Variants in ADCY2 observed in about 807,000 individuals in gnomAD.
ADCY2 encodes adenylate cyclase 2.
In ADCY2, 31 loss-of-function variants were observed where a neutral mutation model predicts 125.2. The observed-to-expected ratio is 0.25, with a 90% CI of 0.19 to 0.33. ADCY2 has a LOEUF of 0.33. ADCY2 is among the 10% of genes least tolerant of loss of function. ADCY2 has a pLI of 1.00. For synonymous variants in ADCY2, 512 were observed against 548.4 expected (o/e 0.93, Z 0.93); for missense variants, 904 against 1,418.2 (o/e 0.64, Z 5.82).
intron 4 of ADCY2, among the ~76,000 whole-genome samples, chr5:7,688,477 C>T (rs972296714): frequency 2.6e-5 from 4 of 151,888 alleles, no homozygotes; most frequent in African/African-American, 7.3e-5. Context: ...CCATGTTGGC[C>T]AGGCTGGTCT....
At chr5:7,573,593 C>CTTTTTTTTTTTTTTTTTTTTTTTTT (rs763347773) in intron 3 of ADCY2, among the ~76,000 whole-genome samples, 37 of 86,358 alleles carry the variant, frequency 4.3e-4, no homozygotes, top group Non-Finnish European at 7.2e-4. Context: ...GGTTGATTTT[C>CTTTTTTTTTTTTTTTTTTTTTTTTT]TTTTTTTTTT....
rs539497424 is a variant in ADCY2 at position 7,733,653 on chromosome 5, G to A, written c.1871+6392G>A. 5.9e-5 allele frequency among the ~76,000 whole-genome samples: 9 copies of A among 152,242 alleles called. No individual in the cohort carries two copies. In the South Asian group the frequency reaches 1.5e-3, roughly 25 times the overall value. On this transcript the variant is annotated intron_variant, in intron 14 of 24. Transcript: ENST00000338316. ...CTAGAGCTCCTATGGATTCTACAGA[G>A]CTGGGTGGAGATACAGTCTGAAAAA...
intron 2 of ADCY2, among the ~76,000 whole-genome samples, chr5:7,473,107 T>A (rs1742399538): frequency 6.6e-6 from 1 of 152,076 alleles, no homozygotes; most frequent in Admixed American, 6.6e-5. Flanking sequence ...GGCACATTCT[T>A]ATAATCTGGA....
At chr5:7,494,763 C>A (rs180970644) in intron 2 of ADCY2, among the ~76,000 whole-genome samples, 8 of 152,240 alleles carry the variant, frequency 5.3e-5, no homozygotes, top group Admixed American at 4.6e-4. Flanking sequence ...GCCTGGAGAC[C>A]TACCAAGGTG....
At chr5:7,712,805 A>G in intron 10 of ADCY2, 51 bp from the exon 11 acceptor site, 1 of 1,288,662 alleles carries the variant, frequency 7.8e-7, no homozygotes. Flanking sequence ...TCATTGCAAC[A>G]TTCTTCTTGA....
chr5:7,473,972 T>C (rs1360730410), intron 2 of ADCY2, among the ~76,000 whole-genome samples: 3 of 152,234 alleles, frequency 2.0e-5, no homozygotes, highest in African/African-American at 4.8e-5. Context: ...GTCTTCCGTT[T>C]GTTCAGCCAC....
At chr5:7,739,023 A>G (rs1161358452) in intron 14 of ADCY2, among the ~76,000 whole-genome samples, 1 of 151,898 alleles carries the variant, frequency 6.6e-6, no homozygotes, top group Non-Finnish European at 1.5e-5. Flanking sequence ...ATAGGAATAT[A>G]TAGGAGGTCT....
chr5:7,492,134 G>C (rs908801817), intron 2 of ADCY2, among the ~76,000 whole-genome samples: 2 of 152,174 alleles, frequency 1.3e-5, no homozygotes, highest in African/African-American at 4.8e-5. Flanking sequence ...TTCTTGACCA[G>C]GTTGAAAGGG....
At chr5:7,539,870 G>A (rs565941760) in intron 3 of ADCY2, among the ~76,000 whole-genome samples, 9 of 152,314 alleles carry the variant, frequency 5.9e-5, no homozygotes, top group Admixed American at 2.6e-4. Flanking sequence ...ATAATAAACC[G>A]TAATCGTATT....
chr5:7,525,204 A>G (rs1734416033), intron 3 of ADCY2, among the ~76,000 whole-genome samples: 2 of 152,042 alleles, frequency 1.3e-5, no homozygotes, highest in Non-Finnish European at 2.9e-5. Context: ...ACAGGGTTTC[A>G]CCATGTTGCC....
chr5:7,625,661 C>A (rs1012656171), intron 3 of ADCY2, among the ~76,000 whole-genome samples: 8 of 152,118 alleles, frequency 5.3e-5, no homozygotes, highest in African/African-American at 1.7e-4. Flanking sequence ...GGTGTGAGGG[C>A]AGTTTGTATC....
At chr5:7,657,387 T>C (rs1002192203) in intron 4 of ADCY2, among the ~76,000 whole-genome samples, 15 of 152,152 alleles carry the variant, frequency 9.9e-5, no homozygotes, top group Admixed American at 7.2e-4. Context: ...ATTAGGGCAA[T>C]GTGTAGATTA....
At position 7,723,492 on chromosome 5, in the gene ADCY2, G is replaced by A. The variant is rs190475608; in HGVS notation, c.1704-1053G>A. Among the ~76,000 whole-genome samples the A allele has an allele frequency of 1.7e-3, 252 of 152,174 alleles. 1 individual carries two copies. Among genetic ancestry groups the A allele is most frequent in the African/African-American group, 5.7e-3 (235 of 41,496 alleles). On this transcript the variant is annotated intron_variant, in intron 12 of 24. Transcript: ENST00000338316. ...AGATGTTTAAAAGTCAGACAATGTG[G>A]TACAATGCATACTTCCATATAATTT...
chr5:7,683,337 A>G (rs1264097776), intron 4 of ADCY2, among the ~76,000 whole-genome samples: 1 of 152,258 alleles, frequency 6.6e-6, no homozygotes, highest in Non-Finnish European at 1.5e-5. Context: ...TCAGGGACGG[A>G]GGACATAGGT....
At chr5:7,652,890 G>A (rs535218042) in intron 4 of ADCY2, among the ~76,000 whole-genome samples, 1 of 152,248 alleles carries the variant, frequency 6.6e-6, no homozygotes, top group South Asian at 2.1e-4. Context: ...ATTTTTCAGT[G>A]AGCTCTGTGA....
chr5:7,578,196 A>C (rs1448252354), intron 3 of ADCY2, among the ~76,000 whole-genome samples: 1 of 152,218 alleles, frequency 6.6e-6, no homozygotes, highest in Non-Finnish European at 1.5e-5. Flanking sequence ...GAATGCTTTT[A>C]ATGTGAATGA....
intron 19 of ADCY2, among the ~76,000 whole-genome samples, chr5:7,787,141 A>T (rs1744106715): frequency 6.6e-6 from 1 of 152,146 alleles, no homozygotes; most frequent in African/African-American, 2.4e-5. Flanking sequence ...GTGGGTGACA[A>T]TCCGAGGGAT....
At chr5:7,824,865 C>G (rs953660392) in intron 24 of ADCY2, among the ~76,000 whole-genome samples, 5 of 152,222 alleles carry the variant, frequency 3.3e-5, no homozygotes, top group Non-Finnish European at 7.3e-5. Context: ...GGTTTCCTTG[C>G]ACTTCTACCT....
intron 3 of ADCY2, among the ~76,000 whole-genome samples, chr5:7,586,631 G>A (rs1367065498): frequency 2.0e-5 from 3 of 152,134 alleles, no homozygotes; most frequent in African/African-American, 7.2e-5. Context: ...GTGCATCTCG[G>A]GGGATGTCTT....
Sources: gnomAD v4.1 joint callset for allele counts (sites outside exome capture counted in the v4.1 genomes callset) on GRCh38, gnomAD v4.1.1 for gene constraint, MANE v1.5 for transcripts, NCBI Gene and HGNC (gene_info 2026-07-23, HGNC 2026-07-21) for gene names.